The following PDE4B variants were observed in gnomAD, a reference collection of about 807,000 sequenced individuals.
PDE4B encodes 3',5'-cyclic-AMP phosphodiesterase 4B.
PDE4B carries 20 observed loss-of-function variants against 82.2 expected under a neutral mutation model. That is an observed-to-expected ratio of 0.24 (90% CI 0.17 to 0.35). The LOEUF is 0.35. Among genes scored for constraint, PDE4B ranks in the 10% least tolerant of loss-of-function variants. PDE4B has a pLI of 1.00. For synonymous variants in PDE4B, 320 were observed against 318.9 expected (o/e 1.00, Z -0.04); for missense variants, 655 against 907.2 (o/e 0.72, Z 3.57).
intron 3 of PDE4B, among the ~76,000 whole-genome samples, chr1:66,215,849 C>G (rs1358769996): frequency 6.6e-6 from 1 of 152,038 alleles, no homozygotes; most frequent in African/African-American, 2.4e-5. Context: ...AGACTCTGTC[C>G]CCATCTCACA....
chr1:66,202,078 T>G (rs1007201683), intron 3 of PDE4B, among the ~76,000 whole-genome samples: 1 of 152,114 alleles, frequency 6.6e-6, no homozygotes, highest in African/African-American at 2.4e-5. Context: ...AAGAACATCT[T>G]TATTTCTGCC....
intron 3 of PDE4B, among the ~76,000 whole-genome samples, chr1:66,221,386 A>G (rs746101202): frequency 3.3e-5 from 5 of 152,188 alleles, no homozygotes; most frequent in Non-Finnish European, 7.4e-5. Context: ...AGGAAAGACA[A>G]TTGCTCAAGG....
intron 3 of PDE4B, among the ~76,000 whole-genome samples, chr1:65,933,373 C>A (rs946502488): frequency 6.6e-6 from 1 of 151,286 alleles, no homozygotes; most frequent in Non-Finnish European, 1.5e-5. Flanking sequence ...AATTCTCCTT[C>A]AAAAATAGAG....
chr1:65,886,814 G>T (rs1217650031), intron 1 of PDE4B, among the ~76,000 whole-genome samples: 3 of 152,032 alleles, frequency 2.0e-5, no homozygotes, highest in Non-Finnish European at 4.4e-5. Flanking sequence ...CTTTGCTATT[G>T]TGAACAATGC....
intron 3 of PDE4B, among the ~76,000 whole-genome samples, chr1:66,147,965 T>C (rs1461647400): frequency 6.6e-6 from 1 of 152,152 alleles, no homozygotes; most frequent in East Asian, 1.9e-4. Context: ...ATTTCATCTG[T>C]ATCATTAAAA....
intron 3 of PDE4B, among the ~76,000 whole-genome samples, chr1:66,142,761 C>T (rs1646197798): frequency 2.0e-5 from 3 of 152,124 alleles, no homozygotes; most frequent in Admixed American, 6.5e-5. Context: ...ATTGTAATGT[C>T]GGTGCTTTGA....
At chr1:66,053,175 A>G (rs996467992) in intron 3 of PDE4B, among the ~76,000 whole-genome samples, 2 of 152,220 alleles carry the variant, frequency 1.3e-5, no homozygotes, top group Non-Finnish European at 2.9e-5. Context: ...ATAATATTTT[A>G]TAACTCATTA....
At chr1:66,035,451 A>G (rs187937537) in intron 3 of PDE4B, among the ~76,000 whole-genome samples, 1 of 152,316 alleles carries the variant, frequency 6.6e-6, no homozygotes, top group African/African-American at 2.4e-5. Context: ...ATAACTTTGT[A>G]CTTATTGACC....
chr1:66,257,930 T>A, intron 6 of PDE4B, 67 bp downstream of exon 6: 2 of 1,050,032 alleles, frequency 1.9e-6, no homozygotes, highest in East Asian at 2.4e-5. Context: ...GAGCAGCATT[T>A]AAAAAAATAC....
chr1:65,872,102 A>G (rs962884101), intron 1 of PDE4B, among the ~76,000 whole-genome samples: 2 of 152,048 alleles, frequency 1.3e-5, no homozygotes, highest in Admixed American at 6.6e-5. Flanking sequence ...AAGTTATTCA[A>G]TTTCTTCCTT....
At chr1:66,370,150 C>CAAAAAAAAAAAA (rs752920376) in intron 16 of PDE4B, among the ~76,000 whole-genome samples, 3 of 28,654 alleles carry the variant, frequency 1.0e-4, no homozygotes, top group Non-Finnish European at 1.7e-4. Context: ...GACTCTATCT[C>CAAAAAAAAAAAA]AAAAAAAAAA....
intron 3 of PDE4B, among the ~76,000 whole-genome samples, chr1:66,155,185 G>T (rs745525172): frequency 1.3e-5 from 2 of 152,080 alleles, no homozygotes; most frequent in African/African-American, 2.4e-5. Flanking sequence ...GGAAGCCAAG[G>T]TGCCTTTGGA....
chr1:66,059,724 CAT>C (rs753681323), intron 3 of PDE4B, among the ~76,000 whole-genome samples: 29 of 152,306 alleles, frequency 1.9e-4, no homozygotes, highest in African/African-American at 2.9e-4. Flanking sequence ...CCTCCCCTAA[CAT>C]GTGGGAATTA....
At chr1:66,050,659 A>G (rs1405085596) in intron 3 of PDE4B, 2 of 152,138 alleles carry the variant, frequency 1.3e-5, no homozygotes, top group African/African-American at 4.8e-5. Flanking sequence ...GGCCAAGAAA[A>G]CATGTAACGT....
intron 3 of PDE4B, among the ~76,000 whole-genome samples, chr1:66,106,028 G>T (rs964092082): frequency 6.6e-6 from 1 of 152,036 alleles, no homozygotes. Flanking sequence ...AGTTTTCAAA[G>T]GGAATGCTTC....
intron 8 of PDE4B, among the ~76,000 whole-genome samples, chr1:66,352,278 C>T (rs1040374372): frequency 4.6e-5 from 7 of 152,120 alleles, no homozygotes; most frequent in African/African-American, 1.7e-4. Flanking sequence ...TAGCAAAAGG[C>T]TCATAGGAGA....
At chr1:65,904,198 C>T (rs140473275) in intron 1 of PDE4B, among the ~76,000 whole-genome samples, 6 of 152,168 alleles carry the variant, frequency 3.9e-5, no homozygotes, top group African/African-American at 1.4e-4. Context: ...CCCATATACC[C>T]CATGAAACAT....
At chr1:66,139,122 C>G (rs1454922796) in intron 3 of PDE4B, among the ~76,000 whole-genome samples, 2 of 152,166 alleles carry the variant, frequency 1.3e-5, no homozygotes, top group Non-Finnish European at 2.9e-5. Context: ...GCTTAGAATA[C>G]CAACCACTTA....
intron 3 of PDE4B, among the ~76,000 whole-genome samples, chr1:66,112,478 T>G (rs912532303): frequency 2.6e-5 from 4 of 152,130 alleles, no homozygotes; most frequent in Admixed American, 2.0e-4. Flanking sequence ...AATATAAAAT[T>G]TAAGTCATGG....
Sources: gnomAD v4.1 joint callset for allele counts (sites outside exome capture counted in the v4.1 genomes callset) on GRCh38, gnomAD v4.1.1 for gene constraint, MANE v1.5 for transcripts, NCBI Gene and HGNC (gene_info 2026-07-23, HGNC 2026-07-21) for gene names.